B4GALNT4: variants seen among roughly 807,000 people sequenced by gnomAD.
B4GALNT4 encodes the protein beta-1,4-N-acetyl-galactosaminyltransferase 4.
B4GALNT4 carries 77 observed loss-of-function variants against 110.0 expected under a neutral mutation model. The observed-to-expected ratio is 0.70, with a 90% CI of 0.58 to 0.85. The LOEUF (loss-of-function observed/expected upper bound fraction) is 0.85. Ranked by LOEUF, B4GALNT4 falls within the 40% of genes least tolerant of loss-of-function variation. B4GALNT4 has a pLI of 0.00. For synonymous variants in B4GALNT4, 785 were observed against 655.5 expected (o/e 1.20, Z -3.02); for missense variants, 1,575 against 1,506.0 (o/e 1.05, Z -0.76).
In B4GALNT4 at chr11:375,787, C is replaced by T. The variant is rs376447344; in HGVS notation, c.985+14C>T. 144 of 1,599,896 alleles carry T rather than the reference C, an allele frequency of 9.0e-5. No homozygotes were observed. The highest frequency in any genetic ancestry group is 1.2e-4 in the Non-Finnish European group (140 of 1,176,632). ...CCTTTTTCCTCAGTGAGAGGGGGCC[C>T]GCGCGGGGGCGAGGGCGGGGGTGCC... On this transcript the variant is annotated intron_variant, in intron 10 of 19. Coordinates refer to ENST00000329962, the MANE Select transcript of B4GALNT4 (RefSeq NM_178537.5).
chr11:382,016 T>A lies in B4GALNT4; in HGVS notation c.*224T>A. On this transcript the variant is annotated 3_prime_UTR_variant, in exon 20 of 20. Transcript: ENST00000329962. ...GGTCCCCACTCTGCGATGATTTCTG[T>A]GAAATTTTGCTGTAGCGATGACATT... The A allele has an allele frequency of 2.3e-6, 1 of 440,960 alleles. No homozygotes were observed. Among genetic ancestry groups the A allele is most frequent in the Admixed American group, 4.5e-5 (1 of 22,122 alleles). 27.3% of individuals were successfully genotyped at this position (440,960 alleles called of 1,614,324 possible). A position where few individuals can be genotyped will look rare whatever the true frequency, so the allele number is the denominator to read the frequency against.
intron 7 of B4GALNT4, 28 bp downstream of exon 7, chr11:373,544 G>T (rs1011299258): frequency 8.1e-6 from 13 of 1,608,744 alleles, no homozygotes; most frequent in Middle Eastern, 3.3e-4. Context: ...GCATGTGCGT[G>T]CACTTGTGTA....
At chr11:380,098 C>T (rs746947897) in intron 16 of B4GALNT4, 32 bp from the exon 17 acceptor site, 4 of 1,592,824 alleles carry the variant, frequency 2.5e-6, no homozygotes, top group East Asian at 4.5e-5. Context: ...ACCCCACCCC[C>T]AGAGATCGTG....
At position 380,809 on chromosome 11, in the gene B4GALNT4, C is replaced by T; in HGVS notation, c.2870-16C>T. The stretch of plus-strand genomic sequence containing the variant: ...ACCTGGTCTGAAGGGTAGCACCCCT[C>T]ACCCTCCCGCCCCAGGTTACTGGGA... On this transcript the variant is annotated splice_polypyrimidine_tract_variant and intron_variant, in intron 18 of 19. Transcript: ENST00000329962. 1.9e-6 allele frequency: 3 copies of T among 1,613,686 alleles called. No individual in the cohort carries two copies. The highest frequency in any genetic ancestry group is 2.5e-6 in the Non-Finnish European group (3 of 1,179,838).
rs918713507 is a variant in B4GALNT4 at position 381,780 on chromosome 11, G to C, written c.3108G>C (p.Thr1036=). 1.3e-6 allele frequency: 2 copies of C among 1,580,548 alleles called. No homozygotes were observed. The highest frequency in any genetic ancestry group is 1.7e-6 in the Non-Finnish European group (2 of 1,166,910). ...WSVRSRKGSR[T]GAS ...TCCGCAGCAGGAAGGGCTCTCGCAC[G>C]GGGGCGTCTTGAGGACGGGCAGCCC... Residue 1036 remains threonine (T), a synonymous_variant, in exon 20 of 20, where the codon ACG becomes ACC. Coordinates refer to ENST00000329962, the MANE Select transcript of B4GALNT4 (RefSeq NM_178537.5).
chr11:372,047 A>G, intron 1 of B4GALNT4, 62 bp from the exon 2 acceptor site: 2 of 1,390,508 alleles, frequency 1.4e-6, no homozygotes, highest in Non-Finnish European at 2.0e-6. Context: ...TGAACCCAGC[A>G]GCAGGCAGAA....
chr11:374,501 G>A (rs1034599907), intron 8 of B4GALNT4, among the ~76,000 whole-genome samples: 3 of 146,396 alleles, frequency 2.0e-5, no homozygotes, highest in African/African-American at 7.6e-5. Flanking sequence ...GGAGACAGGG[G>A]TTTGGGGTGG....
Position 375,714 on chromosome 11 carries a change from C to A in B4GALNT4, c.926C>A (p.Pro309Gln). 6.3e-7 allele frequency: 1 copy of A among 1,595,406 alleles called. No homozygotes were observed. Among genetic ancestry groups the A allele is most frequent in the Non-Finnish European group, 8.5e-7 (1 of 1,175,342 alleles). ...SPASHVGGRP[P>Q]QEETSADMLR... ...GCCAGCCACGTGGGGGGGCGTCCGC[C>A]GCAGGAGGAGACCAGCGCAGACATG... Residue 309 changes from proline (P) to glutamine (Q), a missense_variant, in exon 10 of 20, where the codon CCG becomes CAG. Physicochemically the swap from Pro to Gln is moderately conservative, Grantham distance 76. Transcript: ENST00000329962.
At chr11:371,412 A>G (rs2119635316) in intron 1 of B4GALNT4, among the ~76,000 whole-genome samples, 1 of 152,194 alleles carries the variant, frequency 6.6e-6, no homozygotes, top group East Asian at 1.9e-4. Flanking sequence ...GACCTCCCTA[A>G]GCTGAGGACC....
At chr11:372,011 C>A in intron 1 of B4GALNT4, 98 bp from the exon 2 acceptor site, 1 of 930,240 alleles carries the variant, frequency 1.1e-6, no homozygotes, top group South Asian at 1.5e-5. Flanking sequence ...CTGCCCTGCT[C>A]TGGCCATGTG....
intron 14 of B4GALNT4, among the ~76,000 whole-genome samples, chr11:379,097 T>C (rs12361394): frequency 0.36 from 54,894 of 152,000 alleles, 10,382 homozygotes; most frequent in East Asian, 0.48. Flanking sequence ...CTCCTGAAGG[T>C]TTCTGAGCAA....
Position 376,725 on chromosome 11 carries a change from G to T in B4GALNT4, c.1602G>T (p.Gln534His). The change falls in exon 14 of 20, where the codon CAG becomes CAT. Residue 534 changes from glutamine to histidine, a missense_variant. Coordinates refer to ENST00000329962, the MANE Select transcript of B4GALNT4 (RefSeq NM_178537.5). ...KVYVTRVRPGQRASPRAPAPR... is the reference protein window; with the variant it reads ...KVYVTRVRPGHRASPRAPAPR... Reference sequence around the variant, plus strand: ...ACGTGACCAGGGTGCGGCCGGGACAGCGGGCATCCCCCCGGGCCCCAGCGC... The same window carrying T: ...ACGTGACCAGGGTGCGGCCGGGACATCGGGCATCCCCCCGGGCCCCAGCGC... 7.1e-7 allele frequency: 1 copy of T among 1,405,160 alleles called. No individual in the cohort carries two copies. Among genetic ancestry groups the T allele is most frequent in the Non-Finnish European group, 9.2e-7 (1 of 1,085,392 alleles). The allele number at this position is 1,405,160 out of a possible 1,614,324, so 87.0% of individuals were successfully genotyped here.
At chr11:373,903 G>A (rs1320953316) in intron 8 of B4GALNT4, 75 bp downstream of exon 8, 5 of 1,441,832 alleles carry the variant, frequency 3.5e-6, no homozygotes, top group Non-Finnish European at 4.8e-6. Flanking sequence ...CCGCAATGGG[G>A]TCCCCGTCCC....
Position 377,073 on chromosome 11 carries a change from G to A in B4GALNT4, c.1950G>A (p.Glu650=). ...PGEGEEEEEG[E]DDGAPGDEAA... ...AGGGCGAAGAGGAGGAGGAAGGGGA[G>A]GACGATGGGGCCCCGGGCGACGAGG... Residue 650 remains glutamate (E), a synonymous_variant, in exon 14 of 20, where the codon GAG becomes GAA. Transcript: ENST00000329962. 1.4e-6 allele frequency: 2 copies of A among 1,445,398 alleles called. No homozygotes were observed. The highest frequency in any genetic ancestry group is 1.5e-5 in the African/African-American group (1 of 67,418). 89.5% of individuals were successfully genotyped at this position (1,445,398 alleles called of 1,614,324 possible). A position where few individuals can be genotyped will look rare whatever the true frequency, so the allele number is the denominator to read the frequency against.
Position 376,299 on chromosome 11 carries a change from G to A in B4GALNT4, c.1245G>A (p.Glu415=). The A allele has an allele frequency of 6.2e-7, 1 of 1,610,580 alleles. No homozygotes were observed. The highest frequency in any genetic ancestry group is 2.2e-5 in the East Asian group (1 of 44,796). Residue 415 remains glutamate, a synonymous_variant, in exon 13 of 20, where the codon GAG becomes GAA. Transcript: ENST00000329962. The part of the protein sequence containing the change: ...YMKMDKEEGD[E]DEEDEVQRRA... ...AGATGGACAAGGAGGAGGGGGATGA[G>A]GATGAAGAAGACGAGGTGCAGCGCC...
chr11:371,093 CAGGGGTCTAAGCCCAACCAGG>C (rs964514293), intron 1 of B4GALNT4, among the ~76,000 whole-genome samples: 3 of 152,308 alleles, frequency 2.0e-5, no homozygotes, highest in Non-Finnish European at 4.4e-5. Context: ...CTGAGCAGCG[CAGGGGTCTAAGCCCAACCAGG>C]AGGGGGCGGA....
intron 2 of B4GALNT4, 126 bp downstream of exon 2, chr11:372,338 T>C: frequency 1.2e-6 from 1 of 854,244 alleles, no homozygotes; most frequent in Non-Finnish European, 1.9e-6. Context: ...ACAGGACATG[T>C]GGGGCACGGC....
chr11:380,559 G>A, intron 18 of B4GALNT4, 114 bp downstream of exon 18: 1 of 1,440,174 alleles, frequency 6.9e-7, no homozygotes. Context: ...GAGTCCATCA[G>A]TGCTCCCCGT....
Position 375,830 on chromosome 11 carries a change from G to T in B4GALNT4, c.986-17G>T. 6.2e-7 allele frequency: 1 copy of T among 1,606,384 alleles called. No homozygotes were observed. On this transcript the variant is annotated splice_polypyrimidine_tract_variant and intron_variant, in intron 10 of 19. Transcript: ENST00000329962. ...GGGGTGCCTGCCCCAGCCACCCTGT[G>T]ACCGCACCTCCTGCAGCTCCACGCA...
Sources: allele counts gnomAD v4.1 joint callset (sites outside exome capture counted in the v4.1 genomes callset), GRCh38; gene constraint gnomAD v4.1.1; transcripts MANE v1.5; gene names NCBI Gene and HGNC (gene_info 2026-07-23, HGNC 2026-07-21).